The following SLC25A21 variants were observed in gnomAD, a reference collection of about 807,000 sequenced individuals.
The protein encoded by SLC25A21 is mitochondrial 2-oxodicarboxylate carrier.
In SLC25A21, 47 loss-of-function variants were observed where a neutral mutation model predicts 43.8. The ratio of observed to expected loss-of-function variants is 1.07; its 90% CI spans 0.85 to 1.37. SLC25A21 has a LOEUF of 1.37. SLC25A21 is among the 40% of genes most tolerant of loss of function. SLC25A21 has a pLI of 0.00. For synonymous variants in SLC25A21, 131 were observed against 121.3 expected (o/e 1.08, Z -0.52); for missense variants, 352 against 350.2 (o/e 1.00, Z -0.04).
chr14:36,950,039 G>C (rs1892769507), intron 1 of SLC25A21, among the ~76,000 whole-genome samples: 1 of 152,180 alleles, frequency 6.6e-6, no homozygotes, highest in Non-Finnish European at 1.5e-5. Flanking sequence ...GTAGTATGCA[G>C]AGTTCTCCAA....
At chr14:37,056,002 G>C (rs1005738377) in intron 1 of SLC25A21, among the ~76,000 whole-genome samples, 2 of 152,012 alleles carry the variant, frequency 1.3e-5, no homozygotes, top group Admixed American at 6.6e-5. Flanking sequence ...ACCTAGTGCA[G>C]TCTCATGATA....
chr14:36,865,905 C>T (rs1890200106), intron 2 of SLC25A21, among the ~76,000 whole-genome samples: 2 of 127,556 alleles, frequency 1.6e-5, no homozygotes. Context: ...AGAATTCACC[C>T]AGTGATTAAT....
At chr14:36,971,533 G>A (rs747613521) in intron 1 of SLC25A21, among the ~76,000 whole-genome samples, 3 of 152,098 alleles carry the variant, frequency 2.0e-5, no homozygotes, top group South Asian at 4.2e-4. Flanking sequence ...GCCAATCTGC[G>A]GGCCCTAGAT....
chr14:36,686,067 C>T (rs1251012148), intron 7 of SLC25A21, among the ~76,000 whole-genome samples: 2 of 152,126 alleles, frequency 1.3e-5, no homozygotes, highest in African/African-American at 4.8e-5. Flanking sequence ...TTCAGTTAAA[C>T]AAGAAAATTC....
At chr14:36,785,150 G>A (rs1887202046) in intron 3 of SLC25A21, among the ~76,000 whole-genome samples, 1 of 152,136 alleles carries the variant, frequency 6.6e-6, no homozygotes, top group Non-Finnish European at 1.5e-5. Flanking sequence ...CTACTGGAAT[G>A]GGTCAGGGAA....
chr14:36,990,494 A>G (rs1211130012), intron 1 of SLC25A21, among the ~76,000 whole-genome samples: 4 of 152,358 alleles, frequency 2.6e-5, no homozygotes, highest in Non-Finnish European at 5.9e-5. Flanking sequence ...CTGTACATGG[A>G]AATGAAATGT....
intron 1 of SLC25A21, among the ~76,000 whole-genome samples, chr14:37,014,449 T>TA (rs1960801871): frequency 6.6e-6 from 1 of 152,126 alleles, no homozygotes. Flanking sequence ...AGAAGCAACT[T>TA]ACTATCCATT....
intron 7 of SLC25A21, among the ~76,000 whole-genome samples, chr14:36,692,146 C>T (rs1202564297): frequency 6.6e-6 from 1 of 152,204 alleles, no homozygotes; most frequent in Non-Finnish European, 1.5e-5. Context: ...TTCCATCACA[C>T]TGTGTGATCT....
chr14:37,020,661 A>C (rs988835023), intron 1 of SLC25A21, among the ~76,000 whole-genome samples: 2 of 151,972 alleles, frequency 1.3e-5, no homozygotes, highest in African/African-American at 4.8e-5. Context: ...GAAATGCTCC[A>C]TTCCACTGGC....
At chr14:37,031,127 C>T (rs895937516) in intron 1 of SLC25A21, among the ~76,000 whole-genome samples, 7 of 152,118 alleles carry the variant, frequency 4.6e-5, no homozygotes, top group African/African-American at 9.7e-5. Flanking sequence ...AGCCCTTCTG[C>T]GCATGTTTAC....
chr14:36,790,806 G>T (rs551453997), intron 3 of SLC25A21, among the ~76,000 whole-genome samples: 1 of 152,210 alleles, frequency 6.6e-6, no homozygotes, highest in Non-Finnish European at 1.5e-5. Flanking sequence ...GCAGGAATTT[G>T]GGAAGGTTGG....
At chr14:36,886,336 G>A (rs747059632) in intron 1 of SLC25A21, among the ~76,000 whole-genome samples, 2 of 152,166 alleles carry the variant, frequency 1.3e-5, no homozygotes, top group Admixed American at 1.3e-4. Context: ...GATTTGGCAG[G>A]TTTGAAAGAT....
At chr14:36,861,736 T>C (rs1890070846) in intron 2 of SLC25A21, among the ~76,000 whole-genome samples, 1 of 152,242 alleles carries the variant, frequency 6.6e-6, no homozygotes, top group African/African-American at 2.4e-5. Context: ...ACAAACATTT[T>C]GAACTTTTGC....
intron 1 of SLC25A21, among the ~76,000 whole-genome samples, chr14:36,921,601 C>T (rs1022920376): frequency 6.6e-6 from 1 of 151,996 alleles, no homozygotes; most frequent in African/African-American, 2.4e-5. Flanking sequence ...CAGTATGATT[C>T]CATTTCAATA....
intron 1 of SLC25A21, among the ~76,000 whole-genome samples, chr14:36,923,363 T>G (rs1288905659): frequency 3.3e-5 from 5 of 151,820 alleles, no homozygotes; most frequent in Non-Finnish European, 5.9e-5. Context: ...AAGAGTAAAA[T>G]AAAGACTTTT....
At chr14:36,696,655 G>A (rs1374127600) in intron 7 of SLC25A21, among the ~76,000 whole-genome samples, 3 of 152,154 alleles carry the variant, frequency 2.0e-5, no homozygotes, top group Admixed American at 6.5e-5. Flanking sequence ...ATGTGTCCAG[G>A]AATTTATCCA....
intron 1 of SLC25A21, among the ~76,000 whole-genome samples, chr14:36,887,864 A>G (rs1456708135): frequency 6.6e-6 from 1 of 152,080 alleles, no homozygotes; most frequent in Admixed American, 6.6e-5. Flanking sequence ...CTTTGATTTA[A>G]TTGCCTAAAA....
intron 1 of SLC25A21, among the ~76,000 whole-genome samples, chr14:37,028,099 A>T (rs929232080): frequency 6.6e-6 from 1 of 152,174 alleles, no homozygotes; most frequent in African/African-American, 2.4e-5. Flanking sequence ...ATTATATCCA[A>T]ATTCTTAAAT....
At chr14:36,762,544 A>T (rs1886200191) in intron 3 of SLC25A21, among the ~76,000 whole-genome samples, 1 of 152,242 alleles carries the variant, frequency 6.6e-6, no homozygotes, top group African/African-American at 2.4e-5. Flanking sequence ...AAAGGCTCAT[A>T]CTTCCCTGAA....
Sources: gnomAD v4.1 joint callset for allele counts (sites outside exome capture counted in the v4.1 genomes callset) on GRCh38, gnomAD v4.1.1 for gene constraint, MANE v1.5 for transcripts, NCBI Gene and HGNC (gene_info 2026-07-23, HGNC 2026-07-21) for gene names.